Variants in SEMA3E observed in about 807,000 individuals in gnomAD.
The protein encoded by SEMA3E is semaphorin 3E, also known as semaphorin-3E.
SEMA3E carries 49 observed loss-of-function variants against 93.6 expected under a neutral mutation model. The ratio of observed to expected loss-of-function variants is 0.52; its 90% confidence interval spans 0.42 to 0.66. The LOEUF (loss-of-function observed/expected upper bound fraction) is 0.66. Ranked by LOEUF, SEMA3E falls within the 30% of genes least tolerant of loss-of-function variation. The pLI, the probability that SEMA3E is intolerant of heterozygous loss-of-function variation, is 0.00. For synonymous variants in SEMA3E, 363 were observed against 330.7 expected, an observed-to-expected ratio of 1.10 and a Z score of -1.06; for missense variants, 906 against 964.8, an observed-to-expected ratio of 0.94 and a Z score of 0.81.
intron 1 of SEMA3E, among the ~76,000 whole-genome samples, chr7:83,576,736 G>A (rs215293): frequency 6.6e-6 from 1 of 151,830 alleles, no homozygotes; most frequent in African/African-American, 2.4e-5. Context: ...AGCGATTCTC[G>A]TGCCTCAGCC....
intron 4 of SEMA3E, among the ~76,000 whole-genome samples, chr7:83,465,596 A>G (rs1455318195): frequency 1.3e-5 from 2 of 152,196 alleles, no homozygotes; most frequent in African/African-American, 4.8e-5. Context: ...TTTTATGGCC[A>G]CTGCTGCACT....
chr7:83,367,988 T>C lies in SEMA3E; in HGVS notation c.1926A>G (p.Leu642=). The change falls in exon 17 of 17, where the codon CTA becomes CTG. Residue 642 remains leucine (L), a synonymous_variant. Coordinates refer to ENST00000643230, the MANE Select transcript of SEMA3E (RefSeq NM_012431.3). ...TCCCAGCATCTGATTTGTGTAACCT[T>C]AGGAAGAGTAAACCAAGGTCCATCT... ...VVKMDLGLLF[L]RLHKSDAGTY... is the part of the protein sequence containing the mutation. The C allele has an allele frequency of 6.2e-7, 1 of 1,614,102 alleles. No homozygotes were observed. Among genetic ancestry groups the C allele is most frequent in the Non-Finnish European group, 8.5e-7 (1 of 1,179,988 alleles).
At chr7:83,521,745 A>C (rs1320405341) in intron 1 of SEMA3E, among the ~76,000 whole-genome samples, 1 of 152,078 alleles carries the variant, frequency 6.6e-6, no homozygotes, top group Non-Finnish European at 1.5e-5. Context: ...TGTTGTCCTC[A>C]CAGGCAATAG....
At chr7:83,475,461 C>T (rs1344938797) in intron 2 of SEMA3E, among the ~76,000 whole-genome samples, 1 of 152,132 alleles carries the variant, frequency 6.6e-6, no homozygotes, top group Non-Finnish European at 1.5e-5. Context: ...ATTCGATCTC[C>T]CCCTAGACAA....
intron 1 of SEMA3E, among the ~76,000 whole-genome samples, chr7:83,503,099 G>A (rs930029113): frequency 6.7e-6 from 1 of 149,802 alleles, no homozygotes; most frequent in South Asian, 2.1e-4. Flanking sequence ...TCTTAATTAC[G>A]TTCTGTCAAG....
intron 4 of SEMA3E, chr7:83,461,922 C>G (rs1789628370): frequency 6.6e-6 from 1 of 152,236 alleles, no homozygotes; most frequent in South Asian, 2.1e-4. Context: ...ACCTCCTCCC[C>G]CAGGAGCTTG....
chr7:83,645,430 A>ACAG (rs1350079991), intron 1 of SEMA3E, among the ~76,000 whole-genome samples: 2 of 152,186 alleles, frequency 1.3e-5, no homozygotes, highest in East Asian at 3.9e-4. Flanking sequence ...ACAAAGCAGG[A>ACAG]CAGCATCTTG....
At chr7:83,469,398 C>CTTTTTTTTTTTTTTTTTTTTTTTTTTTTT in intron 2 of SEMA3E, 96 bp from the exon 3 acceptor site, 1 of 530,596 alleles carries the variant, frequency 1.9e-6, no homozygotes, top group Non-Finnish European at 3.3e-6. Context: ...AAAACATTTC[C>CTTTTTTTTTTTTTTTTTTTTTTTTTTTTT]TTTTTTTTTT....
At chr7:83,570,223 C>A (rs1035979161) in intron 1 of SEMA3E, among the ~76,000 whole-genome samples, 1 of 152,044 alleles carries the variant, frequency 6.6e-6, no homozygotes, top group South Asian at 2.1e-4. Context: ...GCTAACGCAG[C>A]GTTAAGAAGA....
intron 1 of SEMA3E, among the ~76,000 whole-genome samples, chr7:83,618,080 G>A (rs1204349706): frequency 2.0e-5 from 3 of 152,116 alleles, no homozygotes; most frequent in Non-Finnish European, 4.4e-5. Context: ...TGACAGAAGA[G>A]ATGGCACCAG....
rs190799612 is a variant in SEMA3E at position 83,382,582 on chromosome 7, C to T, written c.1875+2712G>A. ...AGTTATCAATTCTGTTTATGAGTCTCTTTTCTCTCAGGATATCATAATAAT... is the reference window on the plus strand; with the variant it reads ...AGTTATCAATTCTGTTTATGAGTCTTTTTTCTCTCAGGATATCATAATAAT... On this transcript the variant is annotated intron_variant, in intron 16 of 16. Transcript: ENST00000643230. 7.5e-4 allele frequency among the ~76,000 whole-genome samples: 114 copies of T among 151,914 alleles called. 1 individual carries two copies. Among genetic ancestry groups the T allele is most frequent in the African/African-American group, 2.6e-3 (106 of 41,506 alleles).
At chr7:83,425,370 T>A (rs1299078613) in intron 4 of SEMA3E, among the ~76,000 whole-genome samples, 1 of 152,172 alleles carries the variant, frequency 6.6e-6, no homozygotes, top group African/African-American at 2.4e-5. Flanking sequence ...CTTTCTTCAA[T>A]ATTTGACACT....
chr7:83,427,345 T>C (rs1788793735), intron 4 of SEMA3E, among the ~76,000 whole-genome samples: 1 of 152,170 alleles, frequency 6.6e-6, no homozygotes, highest in Non-Finnish European at 1.5e-5. Context: ...TTTTGTTCCA[T>C]GGTTTTAGAG....
At chr7:83,392,506 T>C in intron 14 of SEMA3E, 49 bp downstream of exon 14, 2 of 1,548,252 alleles carry the variant, frequency 1.3e-6, no homozygotes, top group Admixed American at 1.7e-5. Flanking sequence ...AAAAAAGCAT[T>C]AGGGTTTTCC....
At chr7:83,552,077 A>G (rs1791778887) in intron 1 of SEMA3E, among the ~76,000 whole-genome samples, 1 of 152,168 alleles carries the variant, frequency 6.6e-6, no homozygotes, top group Non-Finnish European at 1.5e-5. Flanking sequence ...TCTGACCCTG[A>G]AAAACATATA....
At position 83,593,284 on chromosome 7, in the gene SEMA3E, C is replaced by G. The variant is rs537292088; in HGVS notation, c.115+55144G>C. On this transcript the variant is annotated intron_variant, in intron 1 of 16. Transcript: ENST00000643230. The stretch of plus-strand genomic sequence containing the variant: ...TGTCTCTCTCTCTCTCTCTCTCTCT[C>G]TGTGTGTGTGTGTGTGTGTGTGTGT... 3.9e-3 allele frequency among the ~76,000 whole-genome samples: 455 copies of G among 116,624 alleles called. 3 individuals carry two copies. Among genetic ancestry groups the G allele is most frequent in the African/African-American group, 0.012 (357 of 30,860 alleles). 76.5% of individuals were successfully genotyped at this position (116,624 alleles called of 152,430 possible).
chr7:83,617,461 T>TATATAATTTTATATAAATAAC (rs1793395923), intron 1 of SEMA3E, among the ~76,000 whole-genome samples: 1 of 126,418 alleles, frequency 7.9e-6, no homozygotes, highest in African/African-American at 2.8e-5. Context: ...ATATAAATAA[T>TATATAATTTTATATAAATAAC]ATATAATTTT....
intron 1 of SEMA3E, among the ~76,000 whole-genome samples, chr7:83,604,162 G>A (rs1793055305): frequency 6.6e-6 from 1 of 152,074 alleles, no homozygotes; most frequent in Admixed American, 6.6e-5. Context: ...CATTAGCAAA[G>A]CAAATAGGTT....
intron 1 of SEMA3E, among the ~76,000 whole-genome samples, chr7:83,560,543 A>G (rs1401394645): frequency 6.6e-6 from 1 of 152,072 alleles, no homozygotes; most frequent in Non-Finnish European, 1.5e-5. Flanking sequence ...GTGGATAGAT[A>G]TGTTTTGCAT....
Sources: allele counts gnomAD v4.1 joint callset (sites outside exome capture counted in the v4.1 genomes callset), GRCh38; gene constraint gnomAD v4.1.1; transcripts MANE v1.5; gene names NCBI Gene and HGNC (gene_info 2026-07-23, HGNC 2026-07-21).